Variants in AQP7B observed in about 807,000 individuals in gnomAD.
The protein encoded by AQP7B is putative aquaporin-7B.
chr2:94,591,370 C>G, the AQP7B span, among the ~76,000 whole-genome samples: 1 of 152,182 alleles, frequency 6.6e-6, no homozygotes. Context: ...CTGAGCTGCC[C>G]CGCTCCCTTC....
the AQP7B span, among the ~76,000 whole-genome samples, chr2:94,599,816 G>A: frequency 1.3e-5 from 2 of 150,952 alleles, no homozygotes; most frequent in African/African-American, 2.4e-5. Context: ...TCTCTTCCCC[G>A]CTCCTCAGGC....
chr2:94,603,228 A>G, the AQP7B span: 2 of 1,426,154 alleles, frequency 1.4e-6, no homozygotes, highest in Non-Finnish European at 1.9e-6. Flanking sequence ...CCTATGAAAT[A>G]TGGGCAGATT....
At chr2:94,599,785 C>T in the AQP7B span, among the ~76,000 whole-genome samples, 2 of 152,226 alleles carry the variant, frequency 1.3e-5, no homozygotes, top group African/African-American at 4.8e-5. Flanking sequence ...ACCCTGTCAG[C>T]CCCTTCACGG....
At chr2:94,599,879 T>A in the AQP7B span, among the ~76,000 whole-genome samples, 1 of 150,730 alleles carries the variant, frequency 6.6e-6, no homozygotes, top group Non-Finnish European at 1.5e-5. Flanking sequence ...TTTTTTTTCT[T>A]TTTTTTTTCT....
chr2:94,600,541 G>A, the AQP7B span, among the ~76,000 whole-genome samples: 1 of 152,066 alleles, frequency 6.6e-6, no homozygotes, highest in East Asian at 2.0e-4. Flanking sequence ...AGACCAGCCC[G>A]GGCAACATAG....
chr2:94,603,378 C>T, the AQP7B span: 45 of 1,601,392 alleles, frequency 2.8e-5, no homozygotes, highest in East Asian at 4.7e-4. Context: ...TCTGTGTCTC[C>T]GCAGCGGCCA....
At chr2:94,598,588 C>G in the AQP7B span, among the ~76,000 whole-genome samples, 34 of 152,312 alleles carry the variant, frequency 2.2e-4, no homozygotes, top group African/African-American at 7.7e-4. Flanking sequence ...AGCTGTATAG[C>G]TGCCGCCACT....
the AQP7B span, among the ~76,000 whole-genome samples, chr2:94,595,106 G>A: frequency 1.3e-5 from 2 of 152,136 alleles, no homozygotes; most frequent in Non-Finnish European, 2.9e-5. Flanking sequence ...TCCGGGGCAC[G>A]GCTGGAAATG....
chr2:94,601,375 C>G, the AQP7B span, among the ~76,000 whole-genome samples: 1 of 152,208 alleles, frequency 6.6e-6, no homozygotes, highest in African/African-American at 2.4e-5. Flanking sequence ...GAGACGCCCA[C>G]GGAACACCAG....
chr2:94,587,844 A>G, the AQP7B span, among the ~76,000 whole-genome samples: 4 of 151,932 alleles, frequency 2.6e-5, no homozygotes, highest in Non-Finnish European at 5.9e-5. Flanking sequence ...GAGGGGCTGG[A>G]GCTGGGGCTG....
chr2:94,587,482 G>T, the AQP7B span, among the ~76,000 whole-genome samples: 5 of 152,218 alleles, frequency 3.3e-5, no homozygotes, highest in African/African-American at 4.8e-5. Context: ...GCCATTCCCT[G>T]GGTACCATAC....
chr2:94,598,314 C>A, the AQP7B span, among the ~76,000 whole-genome samples: 2 of 152,042 alleles, frequency 1.3e-5, no homozygotes, highest in Admixed American at 6.5e-5. Context: ...GCAGCCAGGA[C>A]GAGGGAAGTG....
At chr2:94,603,095 G>A in the AQP7B span, 13 of 1,586,078 alleles carry the variant, frequency 8.2e-6, no homozygotes, top group Non-Finnish European at 1.1e-5. Flanking sequence ...GCGTGCCCTG[G>A]AGGAAGTTTC....
the AQP7B span, among the ~76,000 whole-genome samples, chr2:94,596,989 C>T: frequency 6.6e-6 from 1 of 152,190 alleles, no homozygotes; most frequent in Admixed American, 6.5e-5. Flanking sequence ...CGTGAGTCAC[C>T]TCGCCTGGCC....
the AQP7B span, among the ~76,000 whole-genome samples, chr2:94,594,304 C>T: frequency 3.9e-5 from 6 of 152,206 alleles, no homozygotes; most frequent in African/African-American, 1.4e-4. Context: ...CTCACTGTTG[C>T]CAGGCCCTGG....
At chr2:94,594,710 C>T in the AQP7B span, 5 of 1,439,580 alleles carry the variant, frequency 3.5e-6, no homozygotes, top group African/African-American at 1.4e-5. Flanking sequence ...ACTTGAGTCT[C>T]CTTTCTGTCC....
chr2:94,589,481 C>T, the AQP7B span, among the ~76,000 whole-genome samples: 19 of 152,090 alleles, frequency 1.2e-4, no homozygotes, highest in Admixed American at 4.6e-4. Flanking sequence ...TGAAATCACA[C>T]CCCATCTCCA....
chr2:94,602,544 G>C, the AQP7B span: 1 of 1,604,104 alleles, frequency 6.2e-7, no homozygotes, highest in Non-Finnish European at 8.5e-7. Flanking sequence ...ACATATGGGA[G>C]CTACCTTGGT....
the AQP7B span, chr2:94,602,955 C>T: frequency 1.6e-5 from 23 of 1,429,670 alleles, no homozygotes; most frequent in Admixed American, 4.1e-5. Flanking sequence ...GTCATACACA[C>T]TAGCCATCGT....
Sources: allele counts gnomAD v4.1 joint callset (sites outside exome capture counted in the v4.1 genomes callset), GRCh38; gene constraint gnomAD v4.1.1; transcripts MANE v1.5; gene names NCBI Gene and HGNC (gene_info 2026-07-23, HGNC 2026-07-21).